TSC22D1: variants seen among roughly 807,000 people sequenced by gnomAD.
TSC22D1 encodes the protein TSC22 domain family member 1.
A neutral mutation model predicts 74.2 loss-of-function variants in TSC22D1; 9 were observed. That is an observed-to-expected ratio of 0.12 (90% CI 0.07 to 0.21). TSC22D1 has a LOEUF of 0.21. Among genes scored for constraint, TSC22D1 ranks in the 10% least tolerant of loss-of-function variants. The probability of loss-of-function intolerance (pLI) is 1.00; values close to 1 mark genes in which losing one functional copy is unlikely to be tolerated. For synonymous variants in TSC22D1, 586 were observed against 492.5 expected (o/e 1.19, Z -2.51); for missense variants, 1,427 against 1,304.7 (o/e 1.09, Z -1.44).
In TSC22D1 at chr13:44,573,341, C is replaced by T; in HGVS notation, c.2734G>A (p.Asp912Asn). Residue 912 changes from aspartate to asparagine, a missense_variant, in exon 1 of 3, where the codon GAT becomes AAT. Physicochemically the swap from Asp to Asn is conservative, Grantham distance 23. Transcript: ENST00000458659. ...GAGGGCTCCGCTGCACGCCTGGCATCTTCAATTTGGCTTCCAATTGCCTGA... is the reference window on the plus strand; with the variant it reads ...GAGGGCTCCGCTGCACGCCTGGCATTTTCAATTTGGCTTCCAATTGCCTGA... ...LAQAIGSQIE[D>N]ARRAAEPSLV... 1 of 1,614,270 alleles carries T rather than the reference C, an allele frequency of 6.2e-7. No individual in the cohort carries two copies. Among genetic ancestry groups the T allele is most frequent in the Non-Finnish European group, 8.5e-7 (1 of 1,180,046 alleles).
chr13:44,442,216 G>A (rs567000663), intron 1 of TSC22D1, among the ~76,000 whole-genome samples: 24 of 152,266 alleles, frequency 1.6e-4, no homozygotes, highest in African/African-American at 5.8e-4. Flanking sequence ...TCAAAACAAA[G>A]CTCAAGAATA....
In TSC22D1 at chr13:44,528,333, AAGCTTTC is replaced by A. The variant is rs561675820; in HGVS notation, c.2912+44823_2912+44829del. Reference sequence around the variant, plus strand: ...AAACAAATGTAAAAGAATACAAACCAAGCTTTCAGCCCACAATGGAATTAAACTAAAA... The same window carrying A: ...AAACAAATGTAAAAGAATACAAACCAAGCCCACAATGGAATTAAACTAAAA... On this transcript the variant is annotated intron_variant, in intron 1 of 2. Coordinates refer to ENST00000458659, the MANE Select transcript of TSC22D1 (RefSeq NM_183422.4). Among the ~76,000 whole-genome samples the A allele has an allele frequency of 2.1e-4, 32 of 152,178 alleles. 1 individual carries two copies. In the East Asian group the frequency reaches 5.2e-3, roughly 25 times the overall value.
chr13:44,436,268 A>G lies in TSC22D1; in HGVS notation c.2913-173T>C, dbSNP rs1874614738. The stretch of plus-strand genomic sequence containing the variant: ...GCCAGCCCCTCTCTTACTAACGAAT[A>G]TCCAGGCATCTCCCTATTTTAGTAA... On this transcript the variant is annotated intron_variant, in intron 1 of 2. Transcript: ENST00000458659. 3 of 872,788 alleles carry G rather than the reference A, an allele frequency of 3.4e-6. No individual in the cohort carries two copies. The African/African-American group carries it at 5.1e-5, about 15-fold the overall frequency. The allele number at this position is 872,788 out of a possible 1,614,324, so 54.1% of individuals were successfully genotyped here.
intron 1 of TSC22D1, among the ~76,000 whole-genome samples, chr13:44,542,365 T>C (rs1881524959): frequency 6.6e-6 from 1 of 152,068 alleles, no homozygotes; most frequent in African/African-American, 2.4e-5. Flanking sequence ...CAGATTAATA[T>C]TGGTCTAAAT....
chr13:44,508,981 C>T (rs1879562842), intron 1 of TSC22D1, among the ~76,000 whole-genome samples: 1 of 152,094 alleles, frequency 6.6e-6, no homozygotes, highest in South Asian at 2.1e-4. Flanking sequence ...GGCAGATAAG[C>T]AACAATCTTG....
chr13:44,441,773 A>G (rs150608590), intron 1 of TSC22D1, among the ~76,000 whole-genome samples: 2 of 152,172 alleles, frequency 1.3e-5, no homozygotes, highest in African/African-American at 4.8e-5. Flanking sequence ...AAAAAATTTA[A>G]ATAAAATAAA....
chr13:44,506,441 A>G (rs1291718859), intron 1 of TSC22D1, among the ~76,000 whole-genome samples: 6 of 152,172 alleles, frequency 3.9e-5, no homozygotes, highest in Non-Finnish European at 8.8e-5. Flanking sequence ...ATGATGTCAT[A>G]TGAACACTTC....
rs187393520 is a variant in TSC22D1 at position 44,493,872 on chromosome 13, C to A, written c.2913-57777G>T. 2.0e-5 allele frequency among the ~76,000 whole-genome samples: 3 copies of A among 152,234 alleles called. No individual in the cohort carries two copies. The East Asian group carries it at 5.8e-4, about 29-fold the overall frequency. ...GCCATCTGTCAAAACAATTGCTAACCACAAGCTAACAAACAGACACTTCAG... is the reference window on the plus strand; with the variant it reads ...GCCATCTGTCAAAACAATTGCTAACAACAAGCTAACAAACAGACACTTCAG... On this transcript the variant is annotated intron_variant, in intron 1 of 2. Transcript: ENST00000458659.
chr13:44,512,271 G>A (rs1049661464), intron 1 of TSC22D1, among the ~76,000 whole-genome samples: 1 of 152,116 alleles, frequency 6.6e-6, no homozygotes, highest in East Asian at 1.9e-4. Context: ...CCAGGTTCAC[G>A]CCATTCTCCT....
At chr13:44,436,621 G>A (rs776883884) in intron 1 of TSC22D1, 3 of 1,606,396 alleles carry the variant, frequency 1.9e-6, no homozygotes, top group Admixed American at 3.4e-5. Context: ...ACACCATTGG[G>A]ATTTCATGCA....
chr13:44,436,319 G>T, intron 1 of TSC22D1: 2 of 939,590 alleles, frequency 2.1e-6, no homozygotes, highest in Non-Finnish European at 3.2e-6. Flanking sequence ...ATTACATAAT[G>T]TGGGGAAAGC....
chr13:44,575,654 GATC>G lies in TSC22D1; in HGVS notation c.418_420del (p.Asp140del). ...AGATCTTCCGTGTGAGATTCATCCA[GATC>G]ATCATAGCTCTCAGTGTCCTCTGCT... On this transcript the variant is annotated inframe_deletion, in exon 1 of 3. Coordinates refer to ENST00000458659, the MANE Select transcript of TSC22D1 (RefSeq NM_183422.4). The G allele has an allele frequency of 6.2e-7, 1 of 1,614,240 alleles. No individual in the cohort carries two copies. The highest frequency in any genetic ancestry group is 8.5e-7 in the Non-Finnish European group (1 of 1,180,048).
At chr13:44,565,309 A>G (rs1883298917) in intron 1 of TSC22D1, among the ~76,000 whole-genome samples, 1 of 152,182 alleles carries the variant, frequency 6.6e-6, no homozygotes, top group Non-Finnish European at 1.5e-5. Context: ...AATGGCCAGA[A>G]GAGTGGGAAG....
chr13:44,532,812 T>C lies in TSC22D1; in HGVS notation c.2912+40351A>G, dbSNP rs558522937. Among the ~76,000 whole-genome samples, 78 of 152,162 alleles carry C rather than the reference T, an allele frequency of 5.1e-4. 1 individual carries two copies. The highest frequency in any genetic ancestry group is 9.3e-4 in the Non-Finnish European group (63 of 68,012). On this transcript the variant is annotated intron_variant, in intron 1 of 2. Transcript: ENST00000458659. ...TTAAGGATCTCAAAAGCATGCTACA[T>C]GAATAAGAGGTAAGAATATGGGGAT...
At chr13:44,554,467 T>C (rs1882490513) in intron 1 of TSC22D1, among the ~76,000 whole-genome samples, 1 of 152,212 alleles carries the variant, frequency 6.6e-6, no homozygotes, top group South Asian at 2.1e-4. Context: ...ATCAAGATCT[T>C]ATGATGCTTG....
intron 1 of TSC22D1, among the ~76,000 whole-genome samples, chr13:44,487,680 C>G (rs1258162325): frequency 1.3e-5 from 2 of 150,890 alleles, no homozygotes; most frequent in South Asian, 2.1e-4. Context: ...ATTAGAAAAT[C>G]AAGAAAGATC....
At chr13:44,497,016 A>G (rs1324984050) in intron 1 of TSC22D1, among the ~76,000 whole-genome samples, 1 of 152,130 alleles carries the variant, frequency 6.6e-6, no homozygotes, top group Non-Finnish European at 1.5e-5. Flanking sequence ...GCAGTTTCTC[A>G]AAAAATTAAA....
chr13:44,443,766 A>C (rs1875393181), intron 1 of TSC22D1, among the ~76,000 whole-genome samples: 1 of 152,246 alleles, frequency 6.6e-6, no homozygotes, highest in Non-Finnish European at 1.5e-5. Context: ...ATGTATGACA[A>C]AGATAGAACA....
At chr13:44,490,370 TTTTTC>T (rs542295768) in intron 1 of TSC22D1, among the ~76,000 whole-genome samples, 386 of 152,046 alleles carry the variant, frequency 2.5e-3, no homozygotes, top group African/African-American at 8.8e-3. Flanking sequence ...TTTTTTTTTT[TTTTTC>T]ATGTAGATGG....
Sources: allele counts gnomAD v4.1 joint callset (sites outside exome capture counted in the v4.1 genomes callset), GRCh38; gene constraint gnomAD v4.1.1; transcripts MANE v1.5; gene names NCBI Gene and HGNC (gene_info 2026-07-23, HGNC 2026-07-21).